PCDHGA1: variants seen among roughly 807,000 people sequenced by gnomAD.
PCDHGA1 encodes protocadherin gamma subfamily A, 1, also known as protocadherin gamma-A1.
PCDHGA1 carries 32 observed loss-of-function variants against 58.0 expected under a neutral mutation model. That is an observed-to-expected ratio of 0.55 (90% confidence interval 0.42 to 0.74). The LOEUF (loss-of-function observed/expected upper bound fraction) is 0.74, where lower values mean the gene tolerates loss of function less well. Among genes scored for constraint, PCDHGA1 ranks in the 30% least tolerant of loss-of-function variants. PCDHGA1 has a pLI of 0.00. For synonymous variants in PCDHGA1, 498 were observed against 501.1 expected, an observed-to-expected ratio of 0.99 and a Z score of 0.08; for missense variants, 1,205 against 1,182.3, an observed-to-expected ratio of 1.02 and a Z score of -0.28.
chr5:141,383,228 T>C (rs1778950138), intron 1 of PCDHGA1: 1 of 1,613,936 alleles, frequency 6.2e-7, no homozygotes, highest in Non-Finnish European at 8.5e-7. Context: ...AACATCCTGA[T>C]GGAAGATAAA....
chr5:141,506,506 C>T (rs1279198463), intron 3 of PCDHGA1, among the ~76,000 whole-genome samples: 2 of 151,030 alleles, frequency 1.3e-5, no homozygotes. Context: ...GATTCAAATC[C>T]TGGCACCTGG....
At chr5:141,409,135 T>G (rs748247175) in intron 1 of PCDHGA1, 1 of 1,614,026 alleles carries the variant, frequency 6.2e-7, no homozygotes, top group Non-Finnish European at 8.5e-7. Context: ...ATTTTGAAGA[T>G]GTAGAAAGGT....
At chr5:141,365,312 G>C in intron 1 of PCDHGA1, 1 of 1,614,006 alleles carries the variant, frequency 6.2e-7, no homozygotes, top group Non-Finnish European at 8.5e-7. Context: ...AGGCGCTCTT[G>C]TTGCCAGCGC....
At chr5:141,389,829 C>T in intron 1 of PCDHGA1, 3 of 1,613,980 alleles carry the variant, frequency 1.9e-6, no homozygotes, top group Non-Finnish European at 2.5e-6. Context: ...TGACGGTGGA[C>T]AGCCACCACT....
At chr5:141,364,971 C>G in intron 1 of PCDHGA1, 3 of 1,613,916 alleles carry the variant, frequency 1.9e-6, no homozygotes, top group Non-Finnish European at 2.5e-6. Flanking sequence ...CTCCTCACAG[C>G]TTTAGATGGC....
At chr5:141,435,728 A>T (rs549219746) in intron 1 of PCDHGA1, among the ~76,000 whole-genome samples, 1 of 152,200 alleles carries the variant, frequency 6.6e-6, no homozygotes, top group Non-Finnish European at 1.5e-5. Flanking sequence ...GCTAAAGTGT[A>T]TTACTCTTTG....
chr5:141,366,579 T>C (rs1764662445), intron 1 of PCDHGA1: 1 of 1,614,256 alleles, frequency 6.2e-7, no homozygotes, highest in South Asian at 1.1e-5. Flanking sequence ...CGGGCTTTCC[T>C]GCAGACCTAT....
At chr5:141,361,236 C>G (rs373083462) in intron 1 of PCDHGA1, 88 of 1,613,828 alleles carry the variant, frequency 5.5e-5, no homozygotes, top group Non-Finnish European at 7.2e-5. Flanking sequence ...CAGTGATCGC[C>G]TTGATAAAAA....
chr5:141,392,766 C>A, intron 1 of PCDHGA1: 1 of 1,489,084 alleles, frequency 6.7e-7, no homozygotes, highest in South Asian at 1.4e-5. Flanking sequence ...AAATAAGACC[C>A]ATTTATGCAC....
intron 1 of PCDHGA1, chr5:141,421,683 A>G (rs1238944281): frequency 1.2e-6 from 2 of 1,613,758 alleles, no homozygotes; most frequent in African/African-American, 1.3e-5. Flanking sequence ...CTGGGGCGCG[A>G]TTTGCTCTTC....
At chr5:141,396,729 T>C (rs1197764011) in intron 1 of PCDHGA1, 1 of 152,214 alleles carries the variant, frequency 6.6e-6, no homozygotes, top group Non-Finnish European at 1.5e-5. Flanking sequence ...CCTGAATTGA[T>C]TGTTGTAAGG....
intron 1 of PCDHGA1, among the ~76,000 whole-genome samples, chr5:141,407,024 A>G (rs909800590): frequency 6.6e-6 from 1 of 152,232 alleles, no homozygotes; most frequent in Non-Finnish European, 1.5e-5. Context: ...TCAAAATTCT[A>G]TGCTAAACAT....
At chr5:141,350,134 G>T in intron 1 of PCDHGA1, 1 of 741,332 alleles carries the variant, frequency 1.3e-6, no homozygotes, top group Non-Finnish European at 2.0e-6. Context: ...GAGCACAGAC[G>T]CTGCTCCTGT....
intron 1 of PCDHGA1, chr5:141,403,028 G>A (rs1396801327): frequency 6.2e-7 from 1 of 1,614,074 alleles, no homozygotes; most frequent in Admixed American, 1.7e-5. Context: ...GCTATGGGAG[G>A]CCAGGGCCAG....
At chr5:141,436,676 G>T (rs1019010328) in intron 1 of PCDHGA1, among the ~76,000 whole-genome samples, 1 of 152,238 alleles carries the variant, frequency 6.6e-6, no homozygotes, top group African/African-American at 2.4e-5. Flanking sequence ...ACCAAAAAAA[G>T]GATTTATATT....
rs143737031 is a variant in PCDHGA1 at position 141,454,359 on chromosome 5, G to C, written c.2422-40448G>C. Among the ~76,000 whole-genome samples, 105 of 152,200 alleles carry C rather than the reference G, an allele frequency of 6.9e-4. No individual in the cohort carries two copies. In the East Asian group the frequency reaches 0.014, roughly 20 times the overall value. ...AATGTTGGAAGTTGATCCAAACTTA[G>C]AAAGGAGTATGGCAACTTGTCAAGA... On this transcript the variant is annotated intron_variant, in intron 1 of 3. Coordinates refer to ENST00000517417, the MANE Select transcript of PCDHGA1 (RefSeq NM_018912.3).
chr5:141,457,944 C>A (rs761151349), intron 1 of PCDHGA1, among the ~76,000 whole-genome samples: 33 of 152,310 alleles, frequency 2.2e-4, no homozygotes, highest in Non-Finnish European at 4.6e-4. Context: ...ATTGGCTCTG[C>A]ATGTCAAGCT....
intron 1 of PCDHGA1, among the ~76,000 whole-genome samples, chr5:141,472,980 C>CAAAAAAAAAAAAAAAAGAAAAAAA (rs2099308501): frequency 2.3e-5 from 2 of 86,104 alleles, no homozygotes; most frequent in African/African-American, 7.8e-5. Flanking sequence ...GAGTGAAACT[C>CAAAAAAAAAAAAAAAAGAAAAAAA]AAAAAAAAAA....
chr5:141,414,466 G>A, intron 1 of PCDHGA1: 1 of 1,613,872 alleles, frequency 6.2e-7, no homozygotes, highest in Non-Finnish European at 8.5e-7. Flanking sequence ...AGCCACAGAT[G>A]GGGGAAGTCC....
Sources: allele counts gnomAD v4.1 joint callset (sites outside exome capture counted in the v4.1 genomes callset), GRCh38; gene constraint gnomAD v4.1.1; transcripts MANE v1.5; gene names NCBI Gene and HGNC (gene_info 2026-07-23, HGNC 2026-07-21).